Variants in PKN3 observed in about 807,000 individuals in gnomAD.
The protein encoded by PKN3 is serine/threonine-protein kinase N3.
In PKN3, 91 loss-of-function variants were observed where a neutral mutation model predicts 113.1. The observed-to-expected ratio is 0.80, with a 90% CI of 0.68 to 0.96. The LOEUF (loss-of-function observed/expected upper bound fraction) is 0.96, where lower values mean the gene tolerates loss of function less well. Ranked by LOEUF, PKN3 falls within the 40% of genes least tolerant of loss-of-function variation. The probability of loss-of-function intolerance (pLI) is 0.00; values close to 1 mark genes in which losing one functional copy is unlikely to be tolerated. For synonymous variants in PKN3, 467 were observed against 499.0 expected (o/e 0.94, Z 0.85); for missense variants, 1,052 against 1,202.2 (o/e 0.88, Z 1.85).
rs749671361 is a variant in PKN3 at position 128,713,034 on chromosome 9, C to G, written c.836-18C>G. On this transcript the variant is annotated intron_variant, in intron 6 of 21. Coordinates refer to ENST00000291906, the MANE Select transcript of PKN3 (RefSeq NM_013355.5). ...GAAGATGGCATCTGACAACGCCCCC[C>G]GCTCACTCTCCCCACAGGGACACTG... 1.9e-6 allele frequency: 3 copies of G among 1,578,316 alleles called. No homozygotes were observed. Among genetic ancestry groups the G allele is most frequent in the African/African-American group, 2.7e-5 (2 of 74,008 alleles).
In PKN3 at chr9:128,718,898, G is replaced by GTTTTTTTTTTTTT. The variant is rs1564378313; in HGVS notation, c.2125+276_2125+277insTTTTTTTTTTTTT. Among the ~76,000 whole-genome samples, 4 of 24,540 alleles carry GTTTTTTTTTTTTT rather than the reference G, an allele frequency of 1.6e-4. 2 individuals are homozygous for GTTTTTTTTTTTTT. The highest frequency in any genetic ancestry group is 3.6e-4 in the Non-Finnish European group (4 of 11,210). The allele number at this position is 24,540 out of a possible 152,430, so 16.1% of individuals were successfully genotyped here. On this transcript the variant is annotated intron_variant, in intron 18 of 21. Transcript: ENST00000291906. Reference sequence around the variant, plus strand: ...AGTTCTGCCTTCTGTTTTTTTTTTGGTTTGTTTTTTTTTTTGAGACGGAGT... The same window carrying GTTTTTTTTTTTTT: ...AGTTCTGCCTTCTGTTTTTTTTTTGGTTTTTTTTTTTTTTTTGTTTTTTTTTTTGAGACGGAGT...
intron 6 of PKN3, among the ~76,000 whole-genome samples, chr9:128,707,631 T>G (rs887539585): frequency 6.6e-6 from 1 of 152,266 alleles, no homozygotes; most frequent in Admixed American, 6.5e-5. Context: ...GCACGTGATG[T>G]GCTAAGCACA....
At chr9:128,717,861 T>TAAAAAAAAAA in intron 16 of PKN3, among the ~76,000 whole-genome samples, 1 of 97,856 alleles carries the variant, frequency 1.0e-5, no homozygotes, top group Non-Finnish European at 2.0e-5. Context: ...CTATAAAAAC[T>TAAAAAAAAAA]AAAAAAAAAA....
In PKN3 at chr9:128,706,773, C is replaced by T; in HGVS notation, c.472C>T (p.Leu158=). 1 of 1,609,686 alleles carries T rather than the reference C, an allele frequency of 6.2e-7. No individual in the cohort carries two copies. Among genetic ancestry groups the T allele is most frequent in the Non-Finnish European group, 8.5e-7 (1 of 1,177,886 alleles). Residue 158 remains leucine (L), a synonymous_variant, in exon 4 of 22, where the codon CTG becomes TTG. Coordinates refer to ENST00000291906, the MANE Select transcript of PKN3 (RefSeq NM_013355.5). The part of the protein sequence containing the change: ...MLRDSQLKVA[L]LRMKISSLEA... The stretch of plus-strand genomic sequence containing the variant: ...GCGGGACAGCCAGCTGAAGGTGGCC[C>T]TGCTGCGGATGAAGATCAGCAGCCT...
intron 17 of PKN3, 49 bp from the exon 18 acceptor site, chr9:128,718,500 C>G (rs758853206): frequency 3.1e-6 from 5 of 1,598,776 alleles, no homozygotes; most frequent in Admixed American, 1.7e-5. Flanking sequence ...TTACTGTTCC[C>G]TGGGTCTAAG....
chr9:128,703,829 T>G lies in PKN3; in HGVS notation c.24+890T>G, dbSNP rs372907865. ...CCCACCCCCTTCCTCTGGAGGTCCC[T>G]CCGCCTGTTCCAGACGTAGCTTGTA... On this transcript the variant is annotated intron_variant, in intron 1 of 21. Transcript: ENST00000291906. 21 of 985,230 alleles carry G rather than the reference T, an allele frequency of 2.1e-5. No homozygotes were observed. The South Asian group carries it at 9.4e-4, about 44-fold the overall frequency. 61.0% of individuals were successfully genotyped at this position (985,230 alleles called of 1,614,324 possible). A position where few individuals can be genotyped will look rare whatever the true frequency, so the allele number is the denominator to read the frequency against.
Position 128,706,748 on chromosome 9 carries a change from G to T in PKN3, c.447G>T (p.Leu149=), listed in dbSNP as rs1053294904. 13 of 1,603,960 alleles carry T rather than the reference G, an allele frequency of 8.1e-6. No individual in the cohort carries two copies. The highest frequency in any genetic ancestry group is 1.1e-5 in the Non-Finnish European group (13 of 1,175,358). ...TCCTGGCAGCTGCCCAGCAGATGCT[G>T]CGGGACAGCCAGCTGAAGGTGGCCC... ...RKLLAAAQQM[L]RDSQLKVALL... The change falls in exon 4 of 22, where the codon CTG becomes CTT. Residue 149 remains leucine (L), a synonymous_variant. Coordinates refer to ENST00000291906, the MANE Select transcript of PKN3 (RefSeq NM_013355.5).
Position 128,715,511 on chromosome 9 carries a change from A to G in PKN3, c.1808+51A>G, listed in dbSNP as rs570067517. 20 of 1,408,484 alleles carry G rather than the reference A, an allele frequency of 1.4e-5. No homozygotes were observed. Among genetic ancestry groups the G allele is most frequent in the Non-Finnish European group, 2.0e-5 (20 of 995,846 alleles). 87.2% of individuals were successfully genotyped at this position (1,408,484 alleles called of 1,614,324 possible). A position where few individuals can be genotyped will look rare whatever the true frequency, so the allele number is the denominator to read the frequency against. ...CAGGATGGCTGGCCTGGGCTGTGGC[A>G]TCCAGAGGGCAGTTGAAGGTTCCTG... On this transcript the variant is annotated intron_variant, in intron 15 of 21. Transcript: ENST00000291906. The surrounding 1 kb of genome is among the most constrained non-coding windows in gnomAD (Gnocchi z 4.1).
At chr9:128,713,778 A>G in intron 9 of PKN3, 136 bp downstream of exon 9, 1 of 949,168 alleles carries the variant, frequency 1.1e-6, no homozygotes, top group South Asian at 1.6e-5. Context: ...AAGGGCTCCT[A>G]GCCGCTCTCT....
In PKN3 at chr9:128,705,441, C is replaced by A; in HGVS notation, c.163C>A (p.Gln55Lys). The A allele has an allele frequency of 6.3e-7, 1 of 1,583,560 alleles. No individual in the cohort carries two copies. The highest frequency in any genetic ancestry group is 8.6e-7 in the Non-Finnish European group (1 of 1,165,580). Reference protein sequence around the residue: ...TDRRHLGHVQQLLRSSNRRLE... With the variant: ...TDRRHLGHVQKLLRSSNRRLE... ...CCGCCGCCACTTGGGCCATGTGCAGCAGCTGCTGCGGTCCTCCAACCGCCG... is the reference window on the plus strand; with the variant it reads ...CCGCCGCCACTTGGGCCATGTGCAGAAGCTGCTGCGGTCCTCCAACCGCCG... Residue 55 changes from glutamine to lysine, a missense_variant, in exon 2 of 22, where the codon CAG (glutamine) becomes AAG (lysine). Physicochemically the swap from Gln to Lys is moderately conservative, Grantham distance 53. Around this residue, in one of 2 missense-constraint regions of PKN3, gnomAD observed 719 missense variants for 759.4 expected, o/e 0.95. Transcript: ENST00000291906.
chr9:128,706,872 T>C, intron 4 of PKN3, 24 bp from the exon 5 acceptor site: 1 of 1,613,766 alleles, frequency 6.2e-7, no homozygotes, highest in Non-Finnish European at 8.5e-7. Context: ...GAGCAGGGCC[T>C]GAGAGCCGCC....
chr9:128,716,428 C>T (rs778629266), intron 15 of PKN3, among the ~76,000 whole-genome samples: 19 of 151,652 alleles, frequency 1.3e-4, no homozygotes, highest in Admixed American at 2.6e-4. Flanking sequence ...CGAAACCCTG[C>T]GTCTACTAAA....
intron 12 of PKN3, 44 bp downstream of exon 12, chr9:128,714,708 C>G (rs755774518): frequency 7.9e-6 from 11 of 1,391,008 alleles, no homozygotes; most frequent in South Asian, 1.2e-5. Context: ...CCGGCTGGGG[C>G]TGGCAGGGCC....
At chr9:128,704,848 G>T (rs994107735) in intron 1 of PKN3, among the ~76,000 whole-genome samples, 1 of 151,706 alleles carries the variant, frequency 6.6e-6, no homozygotes, top group African/African-American at 2.4e-5. Context: ...AACCCGGGAG[G>T]CAGAGGTTGT....
intron 17 of PKN3, 31 bp downstream of exon 17, chr9:128,718,418 A>C: frequency 1.1e-5 from 5 of 444,380 alleles, no homozygotes; most frequent in Non-Finnish European, 2.2e-5. Flanking sequence ...GCACGGGGGT[A>C]GGGGTGGGGG....
intron 11 of PKN3, 92 bp from the exon 12 acceptor site, chr9:128,714,470 C>A: frequency 8.7e-7 from 1 of 1,144,558 alleles, no homozygotes; most frequent in Non-Finnish European, 1.3e-6. Flanking sequence ...AGCCCGCTAA[C>A]CCTCTGTCCA....
At chr9:128,713,975 G>C in intron 9 of PKN3, 71 bp from the exon 10 acceptor site, 1 of 1,512,544 alleles carries the variant, frequency 6.6e-7, no homozygotes, top group Non-Finnish European at 9.2e-7. Flanking sequence ...TGTAATCCCA[G>C]GGGCAGAGGA....
Position 128,713,503 on chromosome 9 carries a change from G to T in PKN3, c.1097G>T (p.Arg366Leu). Residue 366 changes from arginine (R) to leucine (L), a missense_variant, in exon 9 of 22, where the codon CGT (arginine) becomes CTT (leucine). This residue lies in a region of PKN3 where 719 missense variants were observed against 759.4 expected (regional missense o/e 0.95). Transcript: ENST00000291906. ...AGCCTGGCCTCCCCAATACAGGCCC[G>T]TGAGCTGGAGATTGGGGTACACTGG... ...QTFVIPLERA[R>L]ELEIGVHWRD... is the part of the protein sequence containing the mutation. 6.2e-7 allele frequency: 1 copy of T among 1,614,056 alleles called. No individual in the cohort carries two copies. Among genetic ancestry groups the T allele is most frequent in the South Asian group, 1.1e-5 (1 of 91,092 alleles).
intron 9 of PKN3, 33 bp from the exon 10 acceptor site, chr9:128,714,013 G>A (rs374846043): frequency 1.2e-5 from 19 of 1,610,308 alleles, no homozygotes; most frequent in African/African-American, 4.0e-5. Context: ...GATGGGAGGC[G>A]ACTGGTCCAC....
Sources: gnomAD v4.1 joint callset for allele counts (sites outside exome capture counted in the v4.1 genomes callset) on GRCh38, gnomAD v4.1.1 for gene constraint, gnomAD v4.1.1 regional missense constraint, Gnocchi (gnomAD v3.1) non-coding constraint, MANE v1.5 for transcripts, NCBI Gene and HGNC (gene_info 2026-07-23, HGNC 2026-07-21) for gene names.